VPS37A: variants seen among roughly 807,000 people sequenced by gnomAD.
The protein encoded by VPS37A is VPS37A subunit of ESCRT-I, also known as vacuolar protein sorting-associated protein 37A.
VPS37A carries 30 observed loss-of-function variants against 49.8 expected under a neutral mutation model. The observed-to-expected ratio is 0.60, with a 90% CI of 0.45 to 0.82. The LOEUF is 0.82. Among genes scored for constraint, VPS37A ranks in the 40% least tolerant of loss-of-function variants. VPS37A has a pLI of 0.00. For missense variants in VPS37A, 593 were observed against 464.4 expected, an observed-to-expected ratio of 1.28 and a Z score of -2.55; for synonymous variants, 195 against 160.6, an observed-to-expected ratio of 1.21 and a Z score of -1.62.
intron 1 of VPS37A, among the ~76,000 whole-genome samples, chr8:17,252,637 C>G (rs538235040): frequency 1.3e-5 from 2 of 152,320 alleles, no homozygotes; most frequent in South Asian, 4.1e-4. Flanking sequence ...ACATTTGCTT[C>G]AAGCTGAAGA....
chr8:17,332,098 G>A, the VPS37A span, among the ~76,000 whole-genome samples: 2 of 152,168 alleles, frequency 1.3e-5, no homozygotes, highest in Non-Finnish European at 2.9e-5. Flanking sequence ...AAACATTCTT[G>A]CTATTTTATT....
At chr8:17,247,889 C>T (rs1403053928) in intron 1 of VPS37A, 4 of 647,740 alleles carry the variant, frequency 6.2e-6, no homozygotes, top group Non-Finnish European at 1.1e-5. Context: ...TCTTGAGTCT[C>T]TAAGATTTAC....
chr8:17,309,334 A>T, the VPS37A span: 1 of 1,543,622 alleles, frequency 6.5e-7, no homozygotes, highest in South Asian at 1.1e-5. Context: ...TACCTACACA[A>T]GAAAGAATAC....
chr8:17,328,434 GA>G, the VPS37A span, among the ~76,000 whole-genome samples: 1 of 152,262 alleles, frequency 6.6e-6, no homozygotes, highest in South Asian at 2.1e-4. Flanking sequence ...GATGGAGCTG[GA>G]AGCCATTATC....
At chr8:17,273,593 C>T (rs1167445616) in intron 4 of VPS37A, among the ~76,000 whole-genome samples, 1 of 152,076 alleles carries the variant, frequency 6.6e-6, no homozygotes, top group Non-Finnish European at 1.5e-5. Context: ...GTCTCGATCC[C>T]CTGACCTCAT....
rs542266150 is a variant in VPS37A, at chr8:17,280,427, A to T, written c.953A>T (p.Gln318Leu). ...KSTFEKKMQR[Q>L]HELSESCSAS... ...ACTTTCGAAAAGAAGATGCAAAGGCAGCATGAACTTAGTGAGGTAAGACTG... is the reference window on the plus strand; with the variant it reads ...ACTTTCGAAAAGAAGATGCAAAGGCTGCATGAACTTAGTGAGGTAAGACTG... Residue 318 changes from glutamine (Q) to leucine (L), a missense_variant, in exon 9 of 12, where the codon CAG becomes CTG. Transcript: ENST00000324849. 1 of 1,608,346 alleles carries T rather than the reference A, an allele frequency of 6.2e-7. No homozygotes were observed. Among genetic ancestry groups the T allele is most frequent in the South Asian group, 1.1e-5 (1 of 89,558 alleles).
downstream of VPS37A, among the ~76,000 whole-genome samples, chr8:17,307,371 A>C (rs1205108658): frequency 2.6e-5 from 4 of 152,212 alleles, no homozygotes; most frequent in East Asian, 5.8e-4. Context: ...GCGATCATTA[A>C]AAAGTCAGGA....
the VPS37A span, chr8:17,331,027 A>G: frequency 1.7e-6 from 2 of 1,178,878 alleles, no homozygotes; most frequent in South Asian, 1.5e-5. Context: ...CCACTGTAAC[A>G]TGATATTCTT....
At chr8:17,249,981 T>TGC (rs1321356641) in intron 1 of VPS37A, among the ~76,000 whole-genome samples, 2 of 152,208 alleles carry the variant, frequency 1.3e-5, no homozygotes, top group African/African-American at 4.8e-5. Flanking sequence ...CACCAAGGCC[T>TGC]GTTTGTTCAG....
intron 1 of VPS37A, chr8:17,247,800 A>G (rs1226670111): frequency 4.3e-6 from 3 of 702,062 alleles, no homozygotes; most frequent in Non-Finnish European, 7.8e-6. Flanking sequence ...GAACTGTTGC[A>G]ACATCAAAGG....
chr8:17,272,293 A>G (rs1416084693), intron 4 of VPS37A, among the ~76,000 whole-genome samples: 1 of 152,088 alleles, frequency 6.6e-6, no homozygotes, highest in Non-Finnish European at 1.5e-5. Context: ...TGTTGTTGTC[A>G]TAGCAGCATT....
chr8:17,285,188 C>A (rs1815477611), intron 10 of VPS37A, among the ~76,000 whole-genome samples: 1 of 152,142 alleles, frequency 6.6e-6, no homozygotes, highest in South Asian at 2.1e-4. Flanking sequence ...ATAATAGCAG[C>A]ATCTTCCTAT....
At chr8:17,323,805 T>A in the VPS37A span, among the ~76,000 whole-genome samples, 1 of 152,156 alleles carries the variant, frequency 6.6e-6, no homozygotes. Context: ...ATCACTAACA[T>A]TAGCCACAAC....
At chr8:17,331,691 A>G in the VPS37A span, among the ~76,000 whole-genome samples, 1 of 152,216 alleles carries the variant, frequency 6.6e-6, no homozygotes, top group African/African-American at 2.4e-5. Context: ...GGCTCTATAC[A>G]TTATTATATC....
the VPS37A span, chr8:17,311,484 T>C: frequency 1.2e-6 from 2 of 1,613,816 alleles, no homozygotes; most frequent in Non-Finnish European, 1.7e-6. Context: ...GCACCGCCTG[T>C]GGGAATCGCC....
intron 6 of VPS37A, among the ~76,000 whole-genome samples, chr8:17,277,242 T>A (rs1814597573): frequency 6.6e-6 from 1 of 152,146 alleles, no homozygotes; most frequent in Non-Finnish European, 1.5e-5. Context: ...AAGGAAATAG[T>A]GATTTATTGT....
chr8:17,301,244 A>G (rs1401669480), downstream of VPS37A, among the ~76,000 whole-genome samples: 1 of 152,240 alleles, frequency 6.6e-6, no homozygotes, highest in Non-Finnish European at 1.5e-5. Context: ...GGCAGAGTTC[A>G]TGCAATGTAA....
the VPS37A span, chr8:17,313,408 G>C: frequency 6.3e-7 from 1 of 1,581,952 alleles, no homozygotes; most frequent in African/African-American, 1.3e-5. Flanking sequence ...CACACTGCAA[G>C]ATAAATCATG....
chr8:17,250,933 G>A (rs1305443462), intron 1 of VPS37A, among the ~76,000 whole-genome samples: 1 of 152,218 alleles, frequency 6.6e-6, no homozygotes, highest in Admixed American at 6.5e-5. Context: ...CTGGGCTCAA[G>A]TAATATGTTC....
Sources: gnomAD v4.1 joint callset for allele counts (sites outside exome capture counted in the v4.1 genomes callset) on GRCh38, gnomAD v4.1.1 for gene constraint, MANE v1.5 for transcripts, NCBI Gene and HGNC (gene_info 2026-07-23, HGNC 2026-07-21) for gene names.